AR: variants seen among roughly 807,000 people sequenced by gnomAD.
AR encodes the protein dihydrotestosterone receptor.
AR carries 8 observed loss-of-function variants against 53.9 expected under a neutral mutation model. That is an observed-to-expected ratio of 0.15 (90% CI 0.09 to 0.27). AR has a LOEUF of 0.27. Ranked by LOEUF, AR falls within the 10% of genes least tolerant of loss-of-function variation. AR has a pLI of 1.00. For synonymous variants in AR, 359 were observed against 316.4 expected, an observed-to-expected ratio of 1.13 and a Z score of -1.43; for missense variants, 639 against 742.5, an observed-to-expected ratio of 0.86 and a Z score of 1.62.
At chrX:67,566,801 C>T (rs1239728827) in intron 1 of AR, among the ~76,000 whole-genome samples, 1 of 111,569 alleles carries the variant, frequency 9.0e-6, no homozygotes, top group African/African-American at 3.3e-5. Context: ...TTAACTCTTT[C>T]TGGTCAAGTA....
chrX:67,634,593 T>G (rs769658716), intron 1 of AR, among the ~76,000 whole-genome samples: 1 of 112,190 alleles, frequency 8.9e-6, no homozygotes, highest in Non-Finnish European at 1.9e-5. Context: ...ATTGAAAAGC[T>G]ATGAACTAAA....
intron 3 of AR, among the ~76,000 whole-genome samples, chrX:67,709,108 G>A (rs763883699): frequency 8.9e-6 from 1 of 112,149 alleles, no homozygotes; most frequent in Admixed American, 9.4e-5. Context: ...TGAGGAGGCA[G>A]TCTGTCCGTT....
chrX:67,722,793 T>G (rs989868281), intron 6 of AR, 34 bp from the exon 7 acceptor site: 1 of 1,205,314 alleles, frequency 8.3e-7, no homozygotes, highest in African/African-American at 1.8e-5. Context: ...GTGGGCATGC[T>G]TCCCCTCCCC....
At chrX:67,614,044 T>G (rs1406494003) in intron 1 of AR, among the ~76,000 whole-genome samples, 1 of 112,306 alleles carries the variant, frequency 8.9e-6, no homozygotes, top group Non-Finnish European at 1.9e-5. Context: ...AGTCTTTGCC[T>G]GCTTCATAAT....
chrX:67,720,984 G>T (rs984732509), intron 5 of AR, among the ~76,000 whole-genome samples: 1 of 111,530 alleles, frequency 9.0e-6, no homozygotes, highest in African/African-American at 3.3e-5. Flanking sequence ...GTATGCCATG[G>T]TCAGCCATGG....
intron 4 of AR, among the ~76,000 whole-genome samples, chrX:67,714,568 G>A (rs1038366499): frequency 4.5e-5 from 5 of 110,703 alleles, no homozygotes; most frequent in Non-Finnish European, 7.6e-5. Flanking sequence ...GACTAGACAG[G>A]AGACTACAAG....
intron 1 of AR, among the ~76,000 whole-genome samples, chrX:67,565,297 T>C (rs1921509112): frequency 8.9e-6 from 1 of 112,231 alleles, no homozygotes; most frequent in Non-Finnish European, 1.9e-5. Flanking sequence ...GCCCCGGATC[T>C]ATAAGAAATC....
chrX:67,613,019 C>T (rs909160753), intron 1 of AR, among the ~76,000 whole-genome samples: 1 of 112,159 alleles, frequency 8.9e-6, no homozygotes, highest in Non-Finnish European at 1.9e-5. Context: ...ATTGGAGATT[C>T]CTTCCACACC....
intron 3 of AR, among the ~76,000 whole-genome samples, chrX:67,689,141 A>G (rs2075982348): frequency 9.0e-6 from 1 of 111,475 alleles, no homozygotes; most frequent in Admixed American, 9.5e-5. Flanking sequence ...TCTGGTGCTA[A>G]CATTTTGTGA....
chrX:67,547,419 G>A (rs1299151182), intron 1 of AR, among the ~76,000 whole-genome samples: 2 of 111,584 alleles, frequency 1.8e-5, no homozygotes, highest in East Asian at 5.6e-4. Flanking sequence ...AGGCAGAGGG[G>A]CAACTTTCTT....
At chrX:67,704,083 G>A (rs774615034) in intron 3 of AR, among the ~76,000 whole-genome samples, 58 of 111,850 alleles carry the variant, frequency 5.2e-4, no homozygotes, top group African/African-American at 1.9e-3. Context: ...CTTTGCTATT[G>A]TGAATAGTGC....
intron 1 of AR, among the ~76,000 whole-genome samples, chrX:67,626,035 T>C (rs1028279524): frequency 9.0e-6 from 1 of 111,671 alleles, no homozygotes; most frequent in Non-Finnish European, 1.9e-5. Context: ...ATAAATGAAG[T>C]ATCCAGTACC....
intron 5 of AR, among the ~76,000 whole-genome samples, chrX:67,718,879 G>A (rs746832235): frequency 3.8e-4 from 42 of 111,580 alleles, no homozygotes; most frequent in South Asian, 7.7e-4. Context: ...TGATCTGCCC[G>A]CCTCAGCCGG....
chrX:67,626,369 C>A (rs1294417679), intron 1 of AR, among the ~76,000 whole-genome samples: 2 of 107,210 alleles, frequency 1.9e-5, no homozygotes, highest in Non-Finnish European at 3.8e-5. Flanking sequence ...CTTTCTGTGC[C>A]AGGTTTATTT....
rs1347534872 is a variant in AR, at chrX:67,730,108, C to G, written c.*6267C>G. 2.9e-5 allele frequency: 5 copies of G among 173,502 alleles called. No individual in the cohort carries two copies. The highest frequency in any genetic ancestry group is 5.5e-5 in the Non-Finnish European group (5 of 91,249). 14.3% of individuals were successfully genotyped at this position (173,502 alleles called of 1,213,427 possible). On this transcript the variant is annotated 3_prime_UTR_variant, in exon 8 of 8. Coordinates refer to ENST00000374690, the MANE Select transcript of AR (RefSeq NM_000044.6). ...TTCTTGTGCTGTCCTTGGAATTAAT[C>G]TGGCAGCAGGAGGGAGCAGACTATG...
At chrX:67,652,688 C>T (rs1926400974) in intron 2 of AR, among the ~76,000 whole-genome samples, 1 of 111,779 alleles carries the variant, frequency 8.9e-6, no homozygotes, top group Non-Finnish European at 1.9e-5. Flanking sequence ...TGTGAGGCAG[C>T]ATAGTAAGCA....
chrX:67,649,564 A>G (rs182798800), intron 2 of AR, among the ~76,000 whole-genome samples: 47 of 112,366 alleles, frequency 4.2e-4, no homozygotes, highest in Non-Finnish European at 7.5e-4. Context: ...AATGATCGCC[A>G]TTCTAACTGG....
At chrX:67,670,390 A>G (rs776920525) in intron 2 of AR, among the ~76,000 whole-genome samples, 15 of 103,318 alleles carry the variant, frequency 1.5e-4, no homozygotes, top group African/African-American at 4.9e-4. Flanking sequence ...ATTTTAAAAT[A>G]ATAATTTTTA....
intron 1 of AR, among the ~76,000 whole-genome samples, chrX:67,617,810 T>C (rs956200328): frequency 1.8e-5 from 2 of 111,428 alleles, no homozygotes; most frequent in African/African-American, 6.5e-5. Flanking sequence ...CCCACTCCAG[T>C]ATACTAAGGC....
Sources: gnomAD v4.1 joint callset for allele counts (sites outside exome capture counted in the v4.1 genomes callset) on GRCh38, gnomAD v4.1.1 for gene constraint, MANE v1.5 for transcripts, NCBI Gene and HGNC (gene_info 2026-07-23, HGNC 2026-07-21) for gene names.